TMEM138: variants seen among roughly 807,000 people sequenced by gnomAD.
TMEM138 encodes the protein transmembrane protein 138.
In TMEM138, 9 loss-of-function variants were observed where a neutral mutation model predicts 18.1. The observed-to-expected ratio is 0.50, with a 90% confidence interval of 0.30 to 0.87. The LOEUF (loss-of-function observed/expected upper bound fraction) is 0.87, where lower values mean the gene tolerates loss of function less well. TMEM138 is among the 40% of genes least tolerant of loss of function. The pLI is 0.06. For synonymous variants in TMEM138, 79 were observed against 74.8 expected (o/e 1.06, Z -0.29); for missense variants, 189 against 190.6 (o/e 0.99, Z 0.05).
Position 61,368,765 on chromosome 11 carries a change from T to C in TMEM138, c.*56T>C. On this transcript the variant is annotated 3_prime_UTR_variant, in exon 5 of 5. Transcript: ENST00000278826. The stretch of plus-strand genomic sequence containing the variant: ...TCCTGATAGAAGCCACATTTGCTGC[T>C]TTGCAGGGAGAGTTGGCCCTATGCA... The C allele has an allele frequency of 7.1e-7, 1 of 1,410,832 alleles. No individual in the cohort carries two copies. Among genetic ancestry groups the C allele is most frequent in the South Asian group, 1.2e-5 (1 of 86,638 alleles). The allele number at this position is 1,410,832 out of a possible 1,614,324, so 87.4% of individuals were successfully genotyped here.
chr11:61,367,652 A>G lies in TMEM138; in HGVS notation c.301-271A>G, dbSNP rs1414816980. On this transcript the variant is annotated intron_variant, in intron 3 of 4. Coordinates refer to ENST00000278826, the MANE Select transcript of TMEM138 (RefSeq NM_016464.5). ...CAGTGACCAGCTGAACTCCTGAGAT[A>G]ATGAATATATCATTTCTCCTTGGCA... 8.1e-6 allele frequency: 3 copies of G among 371,102 alleles called. No homozygotes were observed. The East Asian group carries it at 1.6e-4, about 20-fold the overall frequency. 23.0% of individuals were successfully genotyped at this position (371,102 alleles called of 1,614,324 possible).
downstream of TMEM138, among the ~76,000 whole-genome samples, chr11:61,376,598 A>C (rs1478638394): frequency 6.6e-6 from 1 of 152,128 alleles, no homozygotes; most frequent in East Asian, 1.9e-4. Flanking sequence ...CTGCAAACTG[A>C]ATCTAGACAA....
At chr11:61,365,541 C>G (rs1042776136) in intron 2 of TMEM138, among the ~76,000 whole-genome samples, 2 of 152,052 alleles carry the variant, frequency 1.3e-5, no homozygotes, top group African/African-American at 4.8e-5. Flanking sequence ...CTCGGCCTCC[C>G]AAAGTGCTGG....
intron 2 of TMEM138, 21 bp downstream of exon 2, chr11:61,364,539 T>C (rs1253863798): frequency 6.8e-6 from 11 of 1,613,518 alleles, no homozygotes; most frequent in Non-Finnish European, 7.6e-6. Flanking sequence ...TAAGGCACTC[T>C]GGAAAGCTGA....
chr11:61,372,897 A>G (rs1858382242), downstream of TMEM138, among the ~76,000 whole-genome samples: 1 of 152,088 alleles, frequency 6.6e-6, no homozygotes, highest in Non-Finnish European at 1.5e-5. Flanking sequence ...TTTTAAAGCC[A>G]AAAACTTTTA....
Position 61,368,921 on chromosome 11 carries a change from C to T in TMEM138, c.*212C>T, listed in dbSNP as rs1166774441. 1 of 569,420 alleles carries T rather than the reference C, an allele frequency of 1.8e-6. No individual in the cohort carries two copies. Among genetic ancestry groups the T allele is most frequent in the African/African-American group, 1.9e-5 (1 of 53,208 alleles). 35.3% of individuals were successfully genotyped at this position (569,420 alleles called of 1,614,324 possible). On this transcript the variant is annotated 3_prime_UTR_variant, in exon 5 of 5. Transcript: ENST00000278826. Reference sequence around the variant, plus strand: ...CAGTGCGGCATCCCTTCCTTGCCTTCTACCTCTGTTCCACCCCCTTTCCTT... The same window carrying T: ...CAGTGCGGCATCCCTTCCTTGCCTTTTACCTCTGTTCCACCCCCTTTCCTT...
rs114500007 is a variant in TMEM138 at position 61,366,454 on chromosome 11, T to C, written c.300+238T>C. On this transcript the variant is annotated intron_variant, in intron 3 of 4. Coordinates refer to ENST00000278826, the MANE Select transcript of TMEM138 (RefSeq NM_016464.5). The stretch of plus-strand genomic sequence containing the variant: ...ATCGCTAAAGGGCTAGGAATAACTT[T>C]TCTTTTCTTTTCTTTTCTTTTTTTT... 2.3e-3 allele frequency: 980 copies of C among 417,108 alleles called. 13 individuals carry two copies. Among genetic ancestry groups the C allele is most frequent in the African/African-American group, 0.019 (884 of 47,668 alleles). 25.8% of individuals were successfully genotyped at this position (417,108 alleles called of 1,614,324 possible). A position where few individuals can be genotyped will look rare whatever the true frequency, so the allele number is the denominator to read the frequency against.
chr11:61,368,824 A>C lies in TMEM138; in HGVS notation c.*115A>C. The C allele has an allele frequency of 1.3e-6, 1 of 756,434 alleles. No homozygotes were observed. The highest frequency in any genetic ancestry group is 2.3e-6 in the Non-Finnish European group (1 of 437,950). 46.9% of individuals were successfully genotyped at this position (756,434 alleles called of 1,614,324 possible). A position where few individuals can be genotyped will look rare whatever the true frequency, so the allele number is the denominator to read the frequency against. The stretch of plus-strand genomic sequence containing the variant: ...CAGCTGGACTTTCCAAGGAAGGTTC[A>C]GACTAGCTGTGTTCAGCATTCAAGA... On this transcript the variant is annotated 3_prime_UTR_variant, in exon 5 of 5. Transcript: ENST00000278826.
At chr11:61,370,213 G>C (rs1300054174), downstream of TMEM138, among the ~76,000 whole-genome samples, 1 of 152,196 alleles carries the variant, frequency 6.6e-6, no homozygotes, top group Non-Finnish European at 1.5e-5. Context: ...GTGCAGGTCA[G>C]CATCTGGTTG....
chr11:61,370,047 A>G (rs149401798), downstream of TMEM138, among the ~76,000 whole-genome samples: 612 of 152,368 alleles, frequency 4.0e-3, 7 homozygotes, highest in African/African-American at 0.014. Flanking sequence ...ATTGGAGCTT[A>G]TGCCTGGGCA....
At position 61,368,727 on chromosome 11, in the gene TMEM138, G is replaced by A. The variant is rs1383696044; in HGVS notation, c.*18G>A. ...GAAGGTGACCTCTTGTCACACTGAT[G>A]GATACTTTTCCTTCCTGATAGAAGC... is the stretch of plus-strand genomic sequence containing the variant. On this transcript the variant is annotated 3_prime_UTR_variant, in exon 5 of 5. Transcript: ENST00000278826. The A allele has an allele frequency of 6.3e-7, 1 of 1,589,528 alleles. No individual in the cohort carries two copies. The highest frequency in any genetic ancestry group is 1.7e-5 in the Admixed American group (1 of 59,990).
chr11:61,374,095 G>A (rs974928704), downstream of TMEM138, among the ~76,000 whole-genome samples: 3 of 150,680 alleles, frequency 2.0e-5, no homozygotes, highest in Non-Finnish European at 4.4e-5. Flanking sequence ...CATCCACCTC[G>A]GCCTCCCAAA....
rs1858278276 is a variant in TMEM138, at chr11:61,369,482, T to C, written c.*773T>C. 2 of 152,248 alleles carry C rather than the reference T, an allele frequency of 1.3e-5. No individual in the cohort carries two copies. Among genetic ancestry groups the C allele is most frequent in the South Asian group, 2.1e-4 (1 of 4,838 alleles). The allele number at this position is 152,248 out of a possible 1,614,324, so 9.4% of individuals were successfully genotyped here. On this transcript the variant is annotated 3_prime_UTR_variant, in exon 5 of 5. Coordinates refer to ENST00000278826, the MANE Select transcript of TMEM138 (RefSeq NM_016464.5). ...AACTGCCCTCAGAAGAATAAAAATA[T>C]TCCCTTAGCCAGCTTTGGCAAAAGA...
chr11:61,374,272 C>G (rs1858406769), downstream of TMEM138, among the ~76,000 whole-genome samples: 1 of 151,544 alleles, frequency 6.6e-6, no homozygotes, highest in Admixed American at 6.6e-5. Context: ...ATCAGCCTCC[C>G]AAGTAGCTGG....
downstream of TMEM138, among the ~76,000 whole-genome samples, chr11:61,369,865 A>AC (rs1282091292): frequency 6.6e-6 from 1 of 152,128 alleles, no homozygotes; most frequent in East Asian, 1.9e-4. Context: ...CCAGTATGCA[A>AC]CCCCATTTCA....
chr11:61,376,424 G>A (rs1858436313), downstream of TMEM138, among the ~76,000 whole-genome samples: 1 of 152,068 alleles, frequency 6.6e-6, no homozygotes. Flanking sequence ...TTAGATTCTT[G>A]TCTTGCCTAA....
chr11:61,367,796 G>C, intron 3 of TMEM138, 127 bp from the exon 4 acceptor site: 5 of 686,610 alleles, frequency 7.3e-6, no homozygotes, highest in Non-Finnish European at 5.3e-6. Context: ...AACGCTCCTT[G>C]GGGTTGTAGA....
downstream of TMEM138, among the ~76,000 whole-genome samples, chr11:61,374,322 A>AT (rs1256960668): frequency 6.8e-6 from 1 of 146,936 alleles, no homozygotes; most frequent in Admixed American, 6.8e-5. Flanking sequence ...TAATTTTTGT[A>AT]TTTTTTTTAG....
rs766349558 is a variant in TMEM138, at chr11:61,366,119, C to A, written c.203C>A (p.Ala68Asp). Residue 68 changes from alanine (A) to aspartate (D), a missense_variant, in exon 3 of 5, where the codon GCT becomes GAT. Ala to Asp is a moderately radical substitution (Grantham distance 126, BLOSUM62 -2). Transcript: ENST00000278826. ...LMFFNTFVFQ[A>D]GLVNLLFHKF... ...TTCTTCAACACCTTCGTCTTCCAGGCTGGCCTGGTCAACCTCCTATTCCAT... is the reference window on the plus strand; with the variant it reads ...TTCTTCAACACCTTCGTCTTCCAGGATGGCCTGGTCAACCTCCTATTCCAT... 5 of 1,614,248 alleles carry A rather than the reference C, an allele frequency of 3.1e-6. No individual in the cohort carries two copies. The highest frequency in any genetic ancestry group is 4.2e-6 in the Non-Finnish European group (5 of 1,180,040).
Sources: allele counts gnomAD v4.1 joint callset (sites outside exome capture counted in the v4.1 genomes callset), GRCh38; gene constraint gnomAD v4.1.1; transcripts MANE v1.5; gene names NCBI Gene and HGNC (gene_info 2026-07-23, HGNC 2026-07-21).